Variants in PARD3B observed in about 807,000 individuals in gnomAD.
PARD3B encodes the protein par-3 family cell polarity regulator beta, also known as partitioning defective 3 homolog B.
PARD3B carries 103 observed loss-of-function variants against 130.2 expected under a neutral mutation model. The observed-to-expected ratio is 0.79, with a 90% CI of 0.67 to 0.93. The LOEUF (loss-of-function observed/expected upper bound fraction) is 0.93, where lower values mean the gene tolerates loss of function less well. Among genes scored for constraint, PARD3B ranks in the 40% least tolerant of loss-of-function variants. The pLI is 0.00. For synonymous variants in PARD3B, 583 were observed against 553.2 expected (o/e 1.05, Z -0.76); for missense variants, 1,609 against 1,499.2 (o/e 1.07, Z -1.21).
intron 4 of PARD3B, among the ~76,000 whole-genome samples, chr2:205,056,517 A>T (rs945355178): frequency 1.3e-5 from 2 of 151,894 alleles, no homozygotes; most frequent in African/African-American, 2.4e-5. Flanking sequence ...GGACATCTGG[A>T]GGGAGTTAGT....
At chr2:205,254,668 T>A (rs11891542) in intron 16 of PARD3B, among the ~76,000 whole-genome samples, 17,144 of 144,048 alleles carry the variant, frequency 0.12, 1,086 homozygotes, top group African/African-American at 0.18. Context: ...TATTTTATTT[T>A]ATTTTTTTTT....
At chr2:205,296,651 G>A (rs1338957211) in intron 16 of PARD3B, among the ~76,000 whole-genome samples, 1 of 144,580 alleles carries the variant, frequency 6.9e-6, no homozygotes, top group Non-Finnish European at 1.5e-5. Flanking sequence ...TAGTCTTGGA[G>A]TGTGTTTGTG....
At chr2:204,589,609 C>A (rs917577433) in intron 1 of PARD3B, among the ~76,000 whole-genome samples, 45 of 152,046 alleles carry the variant, frequency 3.0e-4, no homozygotes, top group African/African-American at 1.0e-3. Context: ...AGGTTCTAGG[C>A]ACTGAGAGCA....
intron 3 of PARD3B, among the ~76,000 whole-genome samples, chr2:205,018,588 A>G (rs1696336621): frequency 6.6e-6 from 1 of 152,058 alleles, no homozygotes; most frequent in African/African-American, 2.4e-5. Flanking sequence ...TGTGATGAAA[A>G]TAACTCATGC....
intron 2 of PARD3B, among the ~76,000 whole-genome samples, chr2:204,735,039 A>G (rs1275920657): frequency 6.9e-6 from 1 of 145,204 alleles, no homozygotes; most frequent in Non-Finnish European, 1.5e-5. Context: ...AGGAGAAATT[A>G]TAGAATTGGC....
intron 20 of PARD3B, among the ~76,000 whole-genome samples, chr2:205,442,971 A>G (rs1044943858): frequency 6.6e-6 from 1 of 152,156 alleles, no homozygotes; most frequent in Non-Finnish European, 1.5e-5. Flanking sequence ...CTATTTTTGG[A>G]TAGCAGATCA....
chr2:205,052,037 G>A (rs1699225780), intron 4 of PARD3B, among the ~76,000 whole-genome samples: 2 of 151,876 alleles, frequency 1.3e-5, no homozygotes, highest in Admixed American at 1.3e-4. Flanking sequence ...GTCTGCTTGT[G>A]GGACTTCTTA....
chr2:205,081,506 T>C (rs977561727), intron 4 of PARD3B, among the ~76,000 whole-genome samples: 1 of 151,986 alleles, frequency 6.6e-6, no homozygotes, highest in Non-Finnish European at 1.5e-5. Context: ...ATGTTTAGAT[T>C]TTTGCCATTA....
chr2:205,586,967 A>G (rs1211682776), intron 22 of PARD3B, among the ~76,000 whole-genome samples: 2 of 152,172 alleles, frequency 1.3e-5, no homozygotes, highest in Admixed American at 6.5e-5. Flanking sequence ...AACAACCTGC[A>G]CGGTGAATTT....
intron 1 of PARD3B, among the ~76,000 whole-genome samples, chr2:204,685,522 G>A (rs750098979): frequency 2.6e-5 from 4 of 152,164 alleles, no homozygotes; most frequent in African/African-American, 4.8e-5. Flanking sequence ...TTTAAAAAGC[G>A]ATAGTTGAAC....
At position 204,678,595 on chromosome 2, in the gene PARD3B, G is replaced by A. The variant is rs555976789; in HGVS notation, c.121-7586G>A. ...CCAGCCGGGTCGTCTCCGAAGTCGT[G>A]TGGTCTGACATTAAGCCGCGTCTAG... On this transcript the variant is annotated intron_variant, in intron 1 of 22. Transcript: ENST00000406610. This position sits in a 1 kb window ranked among gnomAD's most constrained non-coding sequence, Gnocchi z 4.2. Among the ~76,000 whole-genome samples the A allele has an allele frequency of 6.6e-6, 1 of 152,220 alleles. No individual in the cohort carries two copies. The highest frequency in any genetic ancestry group is 2.1e-4 in the South Asian group (1 of 4,812).
At position 205,325,700 on chromosome 2, in the gene PARD3B, A is replaced by G. The variant is rs1248666562; in HGVS notation, c.2630+23999A>G. Among the ~76,000 whole-genome samples, 1 of 151,952 alleles carries G rather than the reference A, an allele frequency of 6.6e-6. No individual in the cohort carries two copies. The highest frequency in any genetic ancestry group is 1.9e-4 in the East Asian group (1 of 5,170). Reference sequence around the variant, plus strand: ...GAGCCACCGTACCCAGCTTCATCCTATTATTTTGAGTAATTAGACATCCTA... The same window carrying G: ...GAGCCACCGTACCCAGCTTCATCCTGTTATTTTGAGTAATTAGACATCCTA... On this transcript the variant is annotated intron_variant, in intron 18 of 22. Coordinates refer to ENST00000406610, the MANE Select transcript of PARD3B (RefSeq NM_001302769.2). This position sits in a 1 kb window ranked among gnomAD's most constrained non-coding sequence, Gnocchi z 4.1.
chr2:205,595,917 C>T (rs2054552382), intron 22 of PARD3B, among the ~76,000 whole-genome samples: 1 of 144,670 alleles, frequency 6.9e-6, no homozygotes, highest in South Asian at 2.2e-4. Context: ...TGTACAAGAA[C>T]ATTTGAGACA....
chr2:205,522,344 T>G (rs1269112072), intron 21 of PARD3B, among the ~76,000 whole-genome samples: 3 of 150,740 alleles, frequency 2.0e-5, no homozygotes, highest in Non-Finnish European at 4.4e-5. Context: ...CAAGAATGAT[T>G]TATATGATCT....
chr2:205,295,347 C>T (rs2041750829), intron 16 of PARD3B, among the ~76,000 whole-genome samples: 1 of 152,200 alleles, frequency 6.6e-6, no homozygotes, highest in African/African-American at 2.4e-5. Flanking sequence ...AGTTCTCAGC[C>T]TTCCCAGGTC....
At position 205,575,948 on chromosome 2, in the gene PARD3B, A is replaced by T. The variant is rs1051002666; in HGVS notation, c.3260+22545A>T. On this transcript the variant is annotated intron_variant, in intron 22 of 22. Coordinates refer to ENST00000406610, the MANE Select transcript of PARD3B (RefSeq NM_001302769.2). The surrounding 1 kb of genome is among the most constrained non-coding windows in gnomAD (Gnocchi z 4.6). The stretch of plus-strand genomic sequence containing the variant: ...ATGTTTAGTTTTGCAGGAAAGCACC[A>T]AACTATCTTCCAAAGTGGCTGTACC... Among the ~76,000 whole-genome samples the T allele has an allele frequency of 6.6e-6, 1 of 152,214 alleles. No homozygotes were observed. Among genetic ancestry groups the T allele is most frequent in the African/African-American group, 2.4e-5 (1 of 41,468 alleles).
intron 21 of PARD3B, among the ~76,000 whole-genome samples, chr2:205,506,301 C>G (rs910388068): frequency 5.3e-5 from 8 of 151,890 alleles, no homozygotes; most frequent in Non-Finnish European, 8.8e-5. Flanking sequence ...CCACTGCCCT[C>G]TAGCCTGGTG....
chr2:204,956,603 A>T lies in PARD3B; in HGVS notation c.223-8549A>T, dbSNP rs17638885. Among the ~76,000 whole-genome samples, 1,491 of 152,038 alleles carry T rather than the reference A, an allele frequency of 9.8e-3. 75 individuals are homozygous for T. The East Asian group carries it at 0.14, about 14-fold the overall frequency. ...TTTTGTGTCTCCATTTCCTCCCAAG[A>T]TAGTCAAAGCCCTTGAGATTGGAAA... On this transcript the variant is annotated intron_variant, in intron 2 of 22. Coordinates refer to ENST00000406610, the MANE Select transcript of PARD3B (RefSeq NM_001302769.2).
In PARD3B at chr2:205,091,719, GGTGCTCA is replaced by G. The variant is rs1702122882; in HGVS notation, c.505-12704_505-12698del. Among the ~76,000 whole-genome samples the G allele has an allele frequency of 6.6e-6, 1 of 152,116 alleles. No individual in the cohort carries two copies. Among genetic ancestry groups the G allele is most frequent in the East Asian group, 1.9e-4 (1 of 5,176 alleles). On this transcript the variant is annotated intron_variant, in intron 4 of 22. Transcript: ENST00000406610. This position sits in a 1 kb window ranked among gnomAD's most constrained non-coding sequence, Gnocchi z 4.2. ...ATAGCAGTGTGTTTGGGATCTTGCT[GGTGCTCA>G]GTTGAGTTGAATTATAGAACATGCA... is the stretch of plus-strand genomic sequence containing the variant.
Sources: gnomAD v4.1 joint callset for allele counts (sites outside exome capture counted in the v4.1 genomes callset) on GRCh38, gnomAD v4.1.1 for gene constraint, Gnocchi (gnomAD v3.1) non-coding constraint, MANE v1.5 for transcripts, NCBI Gene and HGNC (gene_info 2026-07-23, HGNC 2026-07-21) for gene names.